The following RASA3 variants were observed in gnomAD, a reference collection of about 807,000 sequenced individuals.
RASA3 encodes the protein RAS p21 protein activator 3, also known as ras GTPase-activating protein 3.
In RASA3, 73 loss-of-function variants were observed where a neutral mutation model predicts 110.0. The observed-to-expected ratio is 0.66, with a 90% CI of 0.55 to 0.81. RASA3 has a LOEUF of 0.81. RASA3 is among the 30% of genes least tolerant of loss of function. The pLI is 0.00. For synonymous variants in RASA3, 500 were observed against 451.4 expected, an observed-to-expected ratio of 1.11 and a Z score of -1.37; for missense variants, 976 against 1,113.2, an observed-to-expected ratio of 0.88 and a Z score of 1.75.
At chr13:113,999,844 G>A (rs1349165466) in intron 19 of RASA3, among the ~76,000 whole-genome samples, 177 bp from the exon 20 acceptor site, 1 of 37,216 alleles carries the variant, frequency 2.7e-5, no homozygotes, top group Non-Finnish European at 6.0e-5. Flanking sequence ...GGTCTCTACC[G>A]GGGGTCTCTG....
Position 114,056,811 on chromosome 13 carries a change from G to A in RASA3, c.174-4656C>T, listed in dbSNP as rs2079253131. The A allele has an allele frequency of 6.0e-6, 3 of 502,640 alleles. No individual in the cohort carries two copies. In the South Asian group the frequency reaches 2.5e-4, roughly 42 times the overall value. 31.1% of individuals were successfully genotyped at this position (502,640 alleles called of 1,614,324 possible). On this transcript the variant is annotated intron_variant, in intron 2 of 23. Transcript: ENST00000334062. The surrounding 1 kb of genome is among the most constrained non-coding windows in gnomAD (Gnocchi z 5.7). ...AGACTGGACGTGCCCCTTTCTAAAT[G>A]TAAAAGCGGTTTATAGCAACACAGC...
At chr13:114,053,397 C>T (rs754531496) in intron 2 of RASA3, among the ~76,000 whole-genome samples, 4 of 152,258 alleles carry the variant, frequency 2.6e-5, no homozygotes, top group Non-Finnish European at 5.9e-5. Context: ...CCACGCCGGA[C>T]CTGTTGGCGA....
intron 1 of RASA3, among the ~76,000 whole-genome samples, chr13:114,083,696 T>TA (rs2079819773): frequency 1.4e-5 from 1 of 72,354 alleles, no homozygotes; most frequent in Non-Finnish European, 3.2e-5. Flanking sequence ...ATCGACTCCC[T>TA]TCGTCCTCGC....
chr13:114,098,590 G>A (rs560130087), intron 1 of RASA3, among the ~76,000 whole-genome samples: 29 of 152,106 alleles, frequency 1.9e-4, no homozygotes, highest in African/African-American at 6.3e-4. Flanking sequence ...GGGGCTGGCC[G>A]GCCCCCTCCC....
chr13:114,069,430 C>A (rs2079515363), intron 2 of RASA3, among the ~76,000 whole-genome samples: 1 of 106,890 alleles, frequency 9.4e-6, no homozygotes, highest in Non-Finnish European at 1.8e-5. Context: ...ACACGGGGGG[C>A]TGGGAGACTC....
intron 1 of RASA3, among the ~76,000 whole-genome samples, chr13:114,101,272 C>T (rs2080057092): frequency 6.6e-6 from 1 of 152,206 alleles, no homozygotes; most frequent in Non-Finnish European, 1.5e-5. Context: ...AACTGGCAAG[C>T]AGACCCCTGG....
chr13:114,060,944 C>CGGAGCCCCCCACAGCCGGCAGAT (rs1297569649), intron 2 of RASA3, among the ~76,000 whole-genome samples: 28 of 150,080 alleles, frequency 1.9e-4, no homozygotes, highest in African/African-American at 6.2e-4. Context: ...AGCCGGCAGA[C>CGGAGCCCCCCACAGCCGGCAGAT]GGAGCCCCCC....
intron 21 of RASA3, among the ~76,000 whole-genome samples, chr13:113,995,647 C>CG (rs2053217087): frequency 9.8e-6 from 1 of 101,874 alleles, no homozygotes. Context: ...GCCCAGCTGA[C>CG]GGGGGGCCCA....
intron 3 of RASA3, among the ~76,000 whole-genome samples, chr13:114,044,984 A>T (rs1239506325): frequency 6.6e-5 from 10 of 152,158 alleles, no homozygotes; most frequent in Non-Finnish European, 1.3e-4. Flanking sequence ...ACAGAAACAG[A>T]ACAAAATCCA....
chr13:114,119,820 C>T (rs1299542902), intron 1 of RASA3, among the ~76,000 whole-genome samples: 2 of 87,740 alleles, frequency 2.3e-5, no homozygotes, highest in Non-Finnish European at 2.5e-5. Context: ...TCCAGCCAGG[C>T]GTCGATCAAG....
rs116247643 is a variant in RASA3 at position 114,001,011 on chromosome 13, T to C, written c.1743-79A>G. 2,034 of 896,646 alleles carry C rather than the reference T, an allele frequency of 2.3e-3. 36 individuals are homozygous for C. The African/African-American group carries it at 0.029, about 13-fold the overall frequency. 55.5% of individuals were successfully genotyped at this position (896,646 alleles called of 1,614,324 possible). A position where few individuals can be genotyped will look rare whatever the true frequency, so the allele number is the denominator to read the frequency against. On this transcript the variant is annotated intron_variant, in intron 18 of 23. Transcript: ENST00000334062. ...AGGTGAAAAACCACACCCCCCACTT[T>C]CTGCGTTCTGAGACCTGAGGCAGGC...
At chr13:114,102,870 G>A (rs1034907844) in intron 1 of RASA3, among the ~76,000 whole-genome samples, 1 of 152,170 alleles carries the variant, frequency 6.6e-6, no homozygotes, top group Non-Finnish European at 1.5e-5. Flanking sequence ...CTGTATAATC[G>A]CCGTGGGCGC....
At chr13:114,081,552 T>A (rs2079788562) in intron 1 of RASA3, among the ~76,000 whole-genome samples, 1 of 152,098 alleles carries the variant, frequency 6.6e-6, no homozygotes, top group East Asian at 1.9e-4. Flanking sequence ...CTCTGGAATA[T>A]CCTGAGAAAC....
intron 20 of RASA3, among the ~76,000 whole-genome samples, chr13:113,998,897 A>G (rs1420554443): frequency 6.6e-6 from 1 of 152,270 alleles, no homozygotes; most frequent in Non-Finnish European, 1.5e-5. Flanking sequence ...GGGACTGGAC[A>G]GCGGCAAACT....
chr13:114,043,702 G>A lies in RASA3; in HGVS notation c.278-2608C>T, dbSNP rs1032062015. On this transcript the variant is annotated intron_variant, in intron 3 of 23. Transcript: ENST00000334062. Reference sequence around the variant, plus strand: ...GAAACAGGCCCCAGCACATGTGGGAGAAGGAACACCAGGGAGGCTCAGAGA... The same window carrying A: ...GAAACAGGCCCCAGCACATGTGGGAAAAGGAACACCAGGGAGGCTCAGAGA... 5.9e-5 allele frequency among the ~76,000 whole-genome samples: 9 copies of A among 152,206 alleles called. 1 individual carries two copies. Among genetic ancestry groups the A allele is most frequent in the Middle Eastern group, 6.8e-3 (2 of 294 alleles).
chr13:114,039,702 C>T (rs2054356638), intron 4 of RASA3, among the ~76,000 whole-genome samples: 2 of 152,310 alleles, frequency 1.3e-5, no homozygotes, highest in South Asian at 2.1e-4. Context: ...CCCTCTGTTA[C>T]AGGCAAGCCT....
At chr13:113,981,891 G>T (rs377410160) in intron 22 of RASA3, 33 bp from the exon 23 acceptor site, 2 of 1,595,506 alleles carry the variant, frequency 1.3e-6, no homozygotes, top group South Asian at 2.2e-5. Context: ...CGCAGGGCAG[G>T]AGCCCAGGCC....
chr13:114,012,400 C>T (rs2053653760), intron 15 of RASA3, among the ~76,000 whole-genome samples: 2 of 150,214 alleles, frequency 1.3e-5, no homozygotes, highest in South Asian at 4.2e-4. Context: ...GCACCGTCCA[C>T]ACACTCCACA....
At chr13:114,073,229 C>T (rs547358994) in intron 2 of RASA3, among the ~76,000 whole-genome samples, 10 of 150,156 alleles carry the variant, frequency 6.7e-5, no homozygotes, top group African/African-American at 1.2e-4. Context: ...ACATTGTCTA[C>T]GCACAGAAAA....
Sources: gnomAD v4.1 joint callset for allele counts (sites outside exome capture counted in the v4.1 genomes callset) on GRCh38, gnomAD v4.1.1 for gene constraint, Gnocchi (gnomAD v3.1) non-coding constraint, MANE v1.5 for transcripts, NCBI Gene and HGNC (gene_info 2026-07-23, HGNC 2026-07-21) for gene names.